ZNF500: variants seen among roughly 807,000 people sequenced by gnomAD.
ZNF500 encodes the protein zinc finger protein 500.
A neutral mutation model predicts 30.1 loss-of-function variants in ZNF500; 31 were observed. That is an observed-to-expected ratio of 1.03 (90% CI 0.77 to 1.39). The LOEUF (loss-of-function observed/expected upper bound fraction) is 1.39. Among genes scored for constraint, ZNF500 ranks in the 40% most tolerant of loss-of-function variants. The pLI is 0.00. For synonymous variants in ZNF500, 392 were observed against 282.0 expected (o/e 1.39, Z -3.91); for missense variants, 817 against 657.8 (o/e 1.24, Z -2.65).
chr16:4,764,114 TAG>T (rs2082236718), intron 2 of ZNF500: 3 of 985,144 alleles, frequency 3.0e-6, no homozygotes, highest in Non-Finnish European at 3.6e-6. Flanking sequence ...GCACTGTCTA[TAG>T]AGATTTCGGT....
Position 4,748,494 on chromosome 16 carries a change from T to C in ZNF500, c.*3882A>G, listed in dbSNP as rs916423253. ...GAATACTGGAAACCCCTGGAAATGC[T>C]GTCCTGTGTAGAATGGAGCAGCGGC... On this transcript the variant is annotated 3_prime_UTR_variant, in exon 6 of 6. Coordinates refer to ENST00000219478, the MANE Select transcript of ZNF500 (RefSeq NM_021646.4). 8 of 152,266 alleles carry C rather than the reference T, an allele frequency of 5.3e-5. No homozygotes were observed. The highest frequency in any genetic ancestry group is 1.9e-4 in the African/African-American group (8 of 41,472). 9.4% of individuals were successfully genotyped at this position (152,266 alleles called of 1,614,324 possible). A position where few individuals can be genotyped will look rare whatever the true frequency, so the allele number is the denominator to read the frequency against.
At chr16:4,763,209 C>G in intron 2 of ZNF500, 1 of 740,678 alleles carries the variant, frequency 1.4e-6, no homozygotes, top group Admixed American at 6.3e-5. Flanking sequence ...ACCAGCCTAA[C>G]CAACATGGTG....
chr16:4,747,135 C>T (rs2082027823), downstream of ZNF500: 1 of 1,238,728 alleles, frequency 8.1e-7, no homozygotes, highest in Admixed American at 2.8e-5. Flanking sequence ...GCTGCACCCA[C>T]CGCACAGGGT....
At chr16:4,763,925 G>T in intron 2 of ZNF500, 1 of 985,458 alleles carries the variant, frequency 1.0e-6, no homozygotes, top group Non-Finnish European at 1.2e-6. Flanking sequence ...AGGAAGAAAG[G>T]CAGCTGGTCA....
At chr16:4,747,107 CGCCTGTGG>C, downstream of ZNF500, 1 of 1,372,256 alleles carries the variant, frequency 7.3e-7, no homozygotes, top group Non-Finnish European at 9.8e-7. Context: ...GCACATTTAC[CGCCTGTGG>C]TGAGGTCTTG....
chr16:4,746,266 G>T, downstream of ZNF500: 1 of 1,173,272 alleles, frequency 8.5e-7, no homozygotes, highest in Non-Finnish European at 1.2e-6. Context: ...TGTAGAGAGT[G>T]GGCACTCACT....
chr16:4,751,656 G>C lies in ZNF500; in HGVS notation c.*720C>G. The C allele has an allele frequency of 6.5e-7, 1 of 1,534,410 alleles. No individual in the cohort carries two copies. The highest frequency in any genetic ancestry group is 1.4e-5 in the African/African-American group (1 of 73,132). On this transcript the variant is annotated 3_prime_UTR_variant, in exon 6 of 6. Transcript: ENST00000219478. ...CATGTGCACCCAGACCTCAGAATGT[G>C]ACCTTATTTGGAAACACGGGTTTTG...
At chr16:4,753,531 G>A (rs1373744564) in intron 5 of ZNF500, among the ~76,000 whole-genome samples, 1 of 152,200 alleles carries the variant, frequency 6.6e-6, no homozygotes, top group Non-Finnish European at 1.5e-5. Context: ...CAGTGGGTCA[G>A]TGCTGTTACC....
At chr16:4,758,880 CA>C (rs1480905505) in intron 5 of ZNF500, among the ~76,000 whole-genome samples, 2 of 150,642 alleles carry the variant, frequency 1.3e-5, no homozygotes, top group Admixed American at 1.3e-4. Context: ...ACGCTACCAA[CA>C]AAATGAAAAT....
intron 2 of ZNF500, 112 bp from the exon 3 acceptor site, chr16:4,762,868 G>A: frequency 7.0e-7 from 1 of 1,437,086 alleles, no homozygotes. Flanking sequence ...CCACCCCCGG[G>A]CTGTCTGCAG....
downstream of ZNF500, chr16:4,747,658 A>G: frequency 6.3e-7 from 1 of 1,575,520 alleles, no homozygotes; most frequent in South Asian, 1.1e-5. Context: ...AGGAGTGGGC[A>G]GGGGCGGGCT....
intron 2 of ZNF500, chr16:4,763,140 G>C (rs966580636): frequency 2.4e-5 from 24 of 985,088 alleles, no homozygotes; most frequent in Non-Finnish European, 2.8e-5. Context: ...GCTCACACCT[G>C]TAATTCCAGC....
intron 4 of ZNF500, among the ~76,000 whole-genome samples, chr16:4,760,792 T>G (rs974806080): frequency 4.6e-5 from 7 of 152,174 alleles, no homozygotes; most frequent in Non-Finnish European, 1.0e-4. Flanking sequence ...GCTGCAGAGC[T>G]GGGACACCAC....
At chr16:4,753,106 A>C (rs1439178012) in intron 5 of ZNF500, 48 bp from the exon 6 acceptor site, 18 of 1,496,372 alleles carry the variant, frequency 1.2e-5, no homozygotes, top group Non-Finnish European at 1.6e-5. Flanking sequence ...CAAGAGGGCA[A>C]GGGAAATCCT....
At chr16:4,760,663 G>A (rs2082188359) in intron 4 of ZNF500, 75 bp from the exon 5 acceptor site, 4 of 1,333,808 alleles carry the variant, frequency 3.0e-6, no homozygotes, top group South Asian at 2.5e-5. Context: ...CTGGCCCAGG[G>A]AGCTGCACCG....
At chr16:4,744,410 C>G (rs759910688), downstream of ZNF500, among the ~76,000 whole-genome samples, 2 of 152,040 alleles carry the variant, frequency 1.3e-5, no homozygotes, top group Non-Finnish European at 2.9e-5. Context: ...CCAGCTAGAT[C>G]GTTTTAGCAC....
At chr16:4,755,970 G>A (rs1245788743) in intron 5 of ZNF500, among the ~76,000 whole-genome samples, 3 of 152,188 alleles carry the variant, frequency 2.0e-5, no homozygotes, top group Admixed American at 6.6e-5. Context: ...GTCCCTGCAC[G>A]ATTCCCTTTA....
chr16:4,764,706 C>T (rs1416483558), intron 2 of ZNF500, among the ~76,000 whole-genome samples: 11 of 150,272 alleles, frequency 7.3e-5, no homozygotes, highest in South Asian at 2.1e-4. Context: ...GGCGTGAATC[C>T]GGGAGGCGGA....
chr16:4,762,184 G>A (rs2082209484), intron 4 of ZNF500, 87 bp downstream of exon 4: 2 of 1,457,422 alleles, frequency 1.4e-6, no homozygotes, highest in South Asian at 1.2e-5. Flanking sequence ...TGGCCCCCAG[G>A]AGAGGTGTCC....
Sources: allele counts gnomAD v4.1 joint callset (sites outside exome capture counted in the v4.1 genomes callset), GRCh38; gene constraint gnomAD v4.1.1; transcripts MANE v1.5; gene names NCBI Gene and HGNC (gene_info 2026-07-23, HGNC 2026-07-21).